PTPRT: variants seen among roughly 807,000 people sequenced by gnomAD.
The protein encoded by PTPRT is receptor-type tyrosine-protein phosphatase T.
In PTPRT, 56 loss-of-function variants were observed where a neutral mutation model predicts 176.8. The observed-to-expected ratio is 0.32, with a 90% CI of 0.26 to 0.40. PTPRT has a LOEUF of 0.40. Ranked by LOEUF, PTPRT falls within the 10% of genes least tolerant of loss-of-function variation. The pLI, the probability that PTPRT is intolerant of heterozygous loss-of-function variation, is 1.00. For synonymous variants in PTPRT, 783 were observed against 739.0 expected, an observed-to-expected ratio of 1.06 and a Z score of -0.96; for missense variants, 1,540 against 1,908.2, an observed-to-expected ratio of 0.81 and a Z score of 3.60.
In PTPRT at chr20:43,114,302, C is replaced by T. The variant is rs116388187; in HGVS notation, c.88+75344G>A. Among the ~76,000 whole-genome samples the T allele has an allele frequency of 6.2e-3, 946 of 152,148 alleles. 10 individuals carry two copies. The highest frequency in any genetic ancestry group is 0.022 in the African/African-American group (895 of 41,512). On this transcript the variant is annotated intron_variant, in intron 1 of 30. Coordinates refer to ENST00000373187, the MANE Select transcript of PTPRT (RefSeq NM_007050.6). ...GCTATATGTGTAATGGTTTAGAAAA[C>T]GAATTCTGAAGCCAACTGCCTGCGT...
At chr20:42,048,478 G>T in the PTPRT span, among the ~76,000 whole-genome samples, 2 of 152,154 alleles carry the variant, frequency 1.3e-5, no homozygotes, top group East Asian at 3.9e-4. Context: ...GTTCTTTTGG[G>T]GCACTCACAT....
chr20:43,057,338 G>C lies in PTPRT; in HGVS notation c.88+132308C>G, dbSNP rs531664570. On this transcript the variant is annotated intron_variant, in intron 1 of 30. Transcript: ENST00000373187. ...GAGGAGGGGGGAAGGGGAGAAGGAG[G>C]GGAGGGGAGAAAGGAAGGAAGGGCA... Among the ~76,000 whole-genome samples the C allele has an allele frequency of 2.4e-5, 3 of 122,592 alleles. 1 individual carries two copies. The South Asian group carries it at 9.2e-4, about 37-fold the overall frequency. 80.4% of individuals were successfully genotyped at this position (122,592 alleles called of 152,430 possible). A position where few individuals can be genotyped will look rare whatever the true frequency, so the allele number is the denominator to read the frequency against.
intron 9 of PTPRT, among the ~76,000 whole-genome samples, chr20:42,404,205 T>C (rs1401511026): frequency 1.3e-5 from 2 of 152,120 alleles, no homozygotes; most frequent in South Asian, 2.1e-4. Flanking sequence ...GAAAAAGAGG[T>C]GGAAGTTACT....
In PTPRT at chr20:42,081,917, G is replaced by A; in HGVS notation, c.4237C>T (p.Leu1413=). The change falls in exon 30 of 31, where the codon CTG becomes TTG. Residue 1413 remains leucine, a synonymous_variant. Transcript: ENST00000373187. ...ACCATGTTGGATTTGTTGTTACGCAGTGTTTTCACGATGTGGAACACGTCA... is the reference window on the plus strand; with the variant it reads ...ACCATGTTGGATTTGTTGTTACGCAATGTTTTCACGATGTGGAACACGTCA... ...IIDVFHIVKT[L]RNNKSNMVET... is the part of the protein sequence containing the mutation. The A allele has an allele frequency of 6.2e-7, 1 of 1,614,258 alleles. No individual in the cohort carries two copies. The highest frequency in any genetic ancestry group is 8.5e-7 in the Non-Finnish European group (1 of 1,180,044).
chr20:42,117,464 C>T (rs1424707016), intron 21 of PTPRT, among the ~76,000 whole-genome samples: 1 of 152,108 alleles, frequency 6.6e-6, no homozygotes, highest in Non-Finnish European at 1.5e-5. Context: ...CATTTCTAAG[C>T]CCCAGGAGTA....
intron 7 of PTPRT, among the ~76,000 whole-genome samples, chr20:42,583,981 T>A (rs1207836943): frequency 6.6e-6 from 1 of 152,002 alleles, no homozygotes; most frequent in East Asian, 1.9e-4. Context: ...TGGTGGAGAG[T>A]GCATATGCAG....
intron 1 of PTPRT, among the ~76,000 whole-genome samples, chr20:42,950,074 G>A (rs1235973539): frequency 6.6e-6 from 1 of 152,184 alleles, no homozygotes; most frequent in Non-Finnish European, 1.5e-5. Flanking sequence ...GGTACTGCAA[G>A]TGTTATTATA....
intron 16 of PTPRT, among the ~76,000 whole-genome samples, chr20:42,169,885 G>A (rs1296826350): frequency 6.6e-6 from 1 of 151,764 alleles, no homozygotes; most frequent in Non-Finnish European, 1.5e-5. Context: ...GCGGGGGCAG[G>A]GAATGACCCT....
intron 7 of PTPRT, among the ~76,000 whole-genome samples, chr20:42,648,409 G>C (rs1283618634): frequency 6.6e-6 from 1 of 152,148 alleles, no homozygotes; most frequent in Non-Finnish European, 1.5e-5. Context: ...GTTGGCCTCA[G>C]CAGCCTGATG....
At chr20:42,147,064 C>A (rs1471383583) in intron 17 of PTPRT, among the ~76,000 whole-genome samples, 2 of 152,176 alleles carry the variant, frequency 1.3e-5, no homozygotes, top group Admixed American at 1.3e-4. Context: ...ATTAGATAGA[C>A]TTCTTTGCAT....
At chr20:42,129,358 T>G (rs1021804488) in intron 18 of PTPRT, among the ~76,000 whole-genome samples, 1 of 152,194 alleles carries the variant, frequency 6.6e-6, no homozygotes, top group African/African-American at 2.4e-5. Context: ...ACTAAATCAT[T>G]ATAAAAGAGG....
intron 7 of PTPRT, among the ~76,000 whole-genome samples, chr20:42,498,117 C>T (rs1424090653): frequency 2.6e-5 from 4 of 151,980 alleles, no homozygotes; most frequent in African/African-American, 4.8e-5. Context: ...GAAAAATACA[C>T]GAGAACCTCA....
chr20:42,870,171 C>A (rs2078820788), intron 2 of PTPRT, among the ~76,000 whole-genome samples: 1 of 152,162 alleles, frequency 6.6e-6, no homozygotes, highest in South Asian at 2.1e-4. Flanking sequence ...TCCCTCCTCT[C>A]CCCAGCCCCT....
intron 2 of PTPRT, among the ~76,000 whole-genome samples, chr20:42,801,169 G>A (rs1337399835): frequency 6.6e-6 from 1 of 152,204 alleles, no homozygotes; most frequent in Non-Finnish European, 1.5e-5. Flanking sequence ...TTATTACCGT[G>A]TGTGCTGCCC....
chr20:42,143,801 G>T (rs541475277), intron 17 of PTPRT, among the ~76,000 whole-genome samples: 98 of 152,306 alleles, frequency 6.4e-4, no homozygotes, highest in Non-Finnish European at 1.1e-3. Context: ...TCAAGGGAAT[G>T]AAGTCAATAT....
chr20:42,689,027 C>T (rs1195162159), intron 6 of PTPRT, among the ~76,000 whole-genome samples: 1 of 152,172 alleles, frequency 6.6e-6, no homozygotes, highest in Non-Finnish European at 1.5e-5. Flanking sequence ...GGTATTGATA[C>T]AGACAGAAGA....
At position 42,599,874 on chromosome 20, in the gene PTPRT, C is replaced by A. The variant is rs139016947; in HGVS notation, c.1153+77992G>T. On this transcript the variant is annotated intron_variant, in intron 7 of 30. Transcript: ENST00000373187. ...CTTGCACAGCTCAGGTTCTGCCTGG[C>A]ACTCAAATTATCTGCAAAATGGTCC... is the stretch of plus-strand genomic sequence containing the variant. 1.9e-4 allele frequency among the ~76,000 whole-genome samples: 29 copies of A among 152,224 alleles called. No homozygotes were observed. The East Asian group carries it at 4.8e-3, about 25-fold the overall frequency.
chr20:42,234,018 T>C, intron 15 of PTPRT, among the ~76,000 whole-genome samples: 1 of 152,102 alleles, frequency 6.6e-6, no homozygotes, highest in East Asian at 1.9e-4. Context: ...AAGACCCTGA[T>C]AGGCAAACTG....
chr20:42,345,526 T>C (rs565553950), intron 11 of PTPRT, among the ~76,000 whole-genome samples: 5 of 148,450 alleles, frequency 3.4e-5, no homozygotes, highest in Admixed American at 6.8e-5. Flanking sequence ...TAGATATACA[T>C]ATATATATAA....
Sources: allele counts gnomAD v4.1 joint callset (sites outside exome capture counted in the v4.1 genomes callset), GRCh38; gene constraint gnomAD v4.1.1; transcripts MANE v1.5; gene names NCBI Gene and HGNC (gene_info 2026-07-23, HGNC 2026-07-21).